Variants in DIP2C observed in about 807,000 individuals in gnomAD.
DIP2C encodes the protein disco-interacting protein 2 homolog C.
DIP2C carries 33 observed loss-of-function variants against 192.4 expected under a neutral mutation model. That is an observed-to-expected ratio of 0.17 (90% CI 0.13 to 0.23). DIP2C has a LOEUF of 0.23. Ranked by LOEUF, DIP2C falls within the 10% of genes least tolerant of loss-of-function variation. DIP2C has a pLI of 1.00. For missense variants in DIP2C, 1,537 were observed against 2,110.1 expected, an observed-to-expected ratio of 0.73 and a Z score of 5.32; for synonymous variants, 979 against 864.1, an observed-to-expected ratio of 1.13 and a Z score of -2.33.
intron 3 of DIP2C, 141 bp downstream of exon 3, chr10:472,298 G>C (rs2133443608): frequency 1.6e-6 from 1 of 643,734 alleles, no homozygotes; most frequent in East Asian, 2.9e-5. Flanking sequence ...GAGAGGGTGT[G>C]TCCGTGCAGA....
chr10:524,660 T>G (rs926120617), intron 1 of DIP2C, among the ~76,000 whole-genome samples: 81 of 152,210 alleles, frequency 5.3e-4, no homozygotes, highest in African/African-American at 1.8e-3. Context: ...ATTAGCGTTT[T>G]ATTTTAAAAA....
At chr10:464,252 A>G (rs1404650101) in intron 3 of DIP2C, among the ~76,000 whole-genome samples, 1 of 152,202 alleles carries the variant, frequency 6.6e-6, no homozygotes, top group East Asian at 1.9e-4. Flanking sequence ...TCCATCTGAC[A>G]AAGGGCTAAT....
chr10:528,637 G>A (rs952525647), intron 1 of DIP2C, among the ~76,000 whole-genome samples: 1 of 152,166 alleles, frequency 6.6e-6, no homozygotes, highest in African/African-American at 2.4e-5. Context: ...TCACTCGCTG[G>A]ACTCTCTGCC....
At chr10:574,340 G>T (rs796165989) in intron 1 of DIP2C, among the ~76,000 whole-genome samples, 1 of 152,182 alleles carries the variant, frequency 6.6e-6, no homozygotes, top group Non-Finnish European at 1.5e-5. Flanking sequence ...GAAACTGCAC[G>T]GTTAGAATAA....
chr10:419,812 C>T (rs1329163300), intron 5 of DIP2C, among the ~76,000 whole-genome samples: 3 of 152,174 alleles, frequency 2.0e-5, no homozygotes, highest in African/African-American at 2.4e-5. Flanking sequence ...CAAAAAACCA[C>T]GTTACACCCT....
At position 419,136 on chromosome 10, in the gene DIP2C, C is replaced by G. The variant is rs773368032; in HGVS notation, c.668G>C (p.Arg223Thr). 3.7e-6 allele frequency: 6 copies of G among 1,614,272 alleles called. No individual in the cohort carries two copies. Among genetic ancestry groups the G allele is most frequent in the Non-Finnish European group, 4.2e-6 (5 of 1,180,052 alleles). Residue 223 changes from arginine (R) to threonine (T), a missense_variant, in exon 6 of 37, where the codon AGA becomes ACA. Physicochemically the swap from Arg to Thr is moderately conservative, Grantham distance 71 (BLOSUM62 -1). Coordinates refer to ENST00000280886, the MANE Select transcript of DIP2C (RefSeq NM_014974.3). ...YTSEHSIQVERPQGSTGSRTA... is the reference protein window; with the variant it reads ...YTSEHSIQVETPQGSTGSRTA... ...CCGGGACCCCGTGGAACCCTGCGGTCTCTCCACCTGTATCGAGTGCTCTGA... is the reference window on the plus strand; with the variant it reads ...CCGGGACCCCGTGGAACCCTGCGGTGTCTCCACCTGTATCGAGTGCTCTGA...
At chr10:375,930 C>T (rs963781774) in intron 17 of DIP2C, among the ~76,000 whole-genome samples, 6 of 152,278 alleles carry the variant, frequency 3.9e-5, no homozygotes, top group Admixed American at 6.5e-5. Flanking sequence ...TTAGCAACAA[C>T]GGCACATTTA....
chr10:361,953 G>A (rs1287891344), intron 22 of DIP2C, among the ~76,000 whole-genome samples: 1 of 151,530 alleles, frequency 6.6e-6, no homozygotes, highest in African/African-American at 2.4e-5. Flanking sequence ...CAGTGTGGGG[G>A]GAAAACTGTG....
chr10:398,819 T>C (rs927911602), intron 10 of DIP2C, among the ~76,000 whole-genome samples: 1 of 152,076 alleles, frequency 6.6e-6, no homozygotes. Flanking sequence ...AAAACTATCA[T>C]TTACCCCAAT....
chr10:384,426 C>T (rs1029772270), intron 15 of DIP2C, 120 bp downstream of exon 15: 87 of 1,029,446 alleles, frequency 8.5e-5, no homozygotes, highest in African/African-American at 4.1e-4. Flanking sequence ...TTAGTAGAAA[C>T]GGGGTTTCTC....
chr10:306,522 T>C (rs971139642), intron 32 of DIP2C, among the ~76,000 whole-genome samples: 2 of 152,140 alleles, frequency 1.3e-5, no homozygotes, highest in African/African-American at 4.8e-5. Flanking sequence ...CGCAAGTGAG[T>C]GTGCCATTAA....
chr10:278,052 C>G (rs1305494303), intron 36 of DIP2C, among the ~76,000 whole-genome samples: 2 of 150,552 alleles, frequency 1.3e-5, no homozygotes, highest in Non-Finnish European at 3.0e-5. Flanking sequence ...GCCTACTCCT[C>G]TCTGTCTGTG....
At position 329,454 on chromosome 10, in the gene DIP2C, G is replaced by A; in HGVS notation, c.3732C>T (p.Gly1244=). 1 of 1,613,918 alleles carries A rather than the reference G, an allele frequency of 6.2e-7. No homozygotes were observed. Among genetic ancestry groups the A allele is most frequent in the Non-Finnish European group, 8.5e-7 (1 of 1,179,904 alleles). ...TTACCTTGAGGGACTCTGTTTGCGA[G>A]CCCAGCCCCTTGGTGCACAGCTCCA... The part of the protein sequence containing the change: ...SVMELCTKGL[G]SQTESLKARG... The change falls in exon 30 of 37, where the codon GGC becomes GGT. Residue 1244 remains glycine, a synonymous_variant. Coordinates refer to ENST00000280886, the MANE Select transcript of DIP2C (RefSeq NM_014974.3).
chr10:392,134 C>CA (rs576881501), intron 10 of DIP2C, among the ~76,000 whole-genome samples: 199 of 152,266 alleles, frequency 1.3e-3, no homozygotes, highest in Admixed American at 2.0e-3. Context: ...AAGCCCTAAT[C>CA]AGTCACTTTA....
chr10:480,366 G>A (rs975680521), intron 2 of DIP2C, among the ~76,000 whole-genome samples: 3 of 144,386 alleles, frequency 2.1e-5, no homozygotes, highest in South Asian at 2.2e-4. Context: ...CCTGAGCTCC[G>A]GTCCATGCTC....
chr10:679,983 A>G (rs1281799895), intron 1 of DIP2C, among the ~76,000 whole-genome samples: 1 of 152,202 alleles, frequency 6.6e-6, no homozygotes, highest in African/African-American at 2.4e-5. Flanking sequence ...TCTGATCCAC[A>G]TTAATCCTGA....
intron 1 of DIP2C, among the ~76,000 whole-genome samples, chr10:541,512 C>CA (rs1170626091): frequency 6.9e-6 from 1 of 143,932 alleles, no homozygotes; most frequent in South Asian, 2.3e-4. Flanking sequence ...CATGACCCTC[C>CA]ACACTGACCA....
At chr10:369,157 A>G (rs1249715925) in intron 18 of DIP2C, among the ~76,000 whole-genome samples, 1 of 152,216 alleles carries the variant, frequency 6.6e-6, no homozygotes, top group African/African-American at 2.4e-5. Context: ...CTAGTGCCTT[A>G]GGGTGACAGA....
chr10:614,377 TTGTC>T (rs1310284236), intron 1 of DIP2C, among the ~76,000 whole-genome samples: 2 of 152,226 alleles, frequency 1.3e-5, no homozygotes, highest in African/African-American at 4.8e-5. Flanking sequence ...ATGCACCTCT[TTGTC>T]TGCACACAGT....
Sources: gnomAD v4.1 joint callset for allele counts (sites outside exome capture counted in the v4.1 genomes callset) on GRCh38, gnomAD v4.1.1 for gene constraint, MANE v1.5 for transcripts, NCBI Gene and HGNC (gene_info 2026-07-23, HGNC 2026-07-21) for gene names.